PADI2: variants seen among roughly 807,000 people sequenced by gnomAD.
The protein encoded by PADI2 is protein-arginine deiminase type-2.
PADI2 carries 70 observed loss-of-function variants against 81.1 expected under a neutral mutation model. That is an observed-to-expected ratio of 0.86 (90% CI 0.71 to 1.05). The LOEUF (loss-of-function observed/expected upper bound fraction) is 1.05, where lower values mean the gene tolerates loss of function less well. Ranked by LOEUF, PADI2 falls within the 50% of genes least tolerant of loss-of-function variation. The pLI, the probability that PADI2 is intolerant of heterozygous loss-of-function variation, is 0.00. For missense variants in PADI2, 853 were observed against 889.9 expected, an observed-to-expected ratio of 0.96 and a Z score of 0.53; for synonymous variants, 338 against 358.0, an observed-to-expected ratio of 0.94 and a Z score of 0.63.
rs1274978981 is a variant in PADI2, at chr1:17,101,124, C to T, written c.349+1863G>A. On this transcript the variant is annotated intron_variant, in intron 3 of 15. Coordinates refer to ENST00000375486, the MANE Select transcript of PADI2 (RefSeq NM_007365.3). The stretch of plus-strand genomic sequence containing the variant: ...TAAATAAATAATTATTAACAGACCT[C>T]GGAAGGATGAACTTGGTCACTTGTC... Among the ~76,000 whole-genome samples the T allele has an allele frequency of 9.2e-5, 14 of 152,162 alleles. No individual in the cohort carries two copies. The East Asian group carries it at 2.5e-3, about 27-fold the overall frequency.
chr1:17,095,767 C>T lies in PADI2; in HGVS notation c.411+142G>A. 7 of 614,068 alleles carry T rather than the reference C, an allele frequency of 1.1e-5. No individual in the cohort carries two copies. In the South Asian group the frequency reaches 1.6e-4, roughly 14 times the overall value. 38.0% of individuals were successfully genotyped at this position (614,068 alleles called of 1,614,324 possible). ...GATGCCTGAGCTCCTCTGTGGGTTC[C>T]ATCATTGGTATGCTGTGTGTCTGGG... On this transcript the variant is annotated intron_variant, in intron 4 of 15. Coordinates refer to ENST00000375486, the MANE Select transcript of PADI2 (RefSeq NM_007365.3).
chr1:17,088,150 G>A (rs147852476), intron 6 of PADI2, among the ~76,000 whole-genome samples: 1 of 152,326 alleles, frequency 6.6e-6, no homozygotes, highest in Non-Finnish European at 1.5e-5. Flanking sequence ...GAGGGCAGAA[G>A]AGGCACGGTG....
intron 3 of PADI2, among the ~76,000 whole-genome samples, chr1:17,101,565 C>T (rs1412957138): frequency 1.3e-5 from 2 of 152,156 alleles, no homozygotes; most frequent in Admixed American, 6.5e-5. Context: ...GGTTCCCTAC[C>T]CCAGGGCTGG....
Position 17,107,949 on chromosome 1 carries a change from C to CTTT in PADI2, c.93-2891_93-2889dup, listed in dbSNP as rs565293543. Among the ~76,000 whole-genome samples, 204 of 140,164 alleles carry CTTT rather than the reference C, an allele frequency of 1.5e-3. 1 individual carries two copies. The Middle Eastern group carries it at 0.039, about 27-fold the overall frequency. 92.0% of individuals were successfully genotyped at this position (140,164 alleles called of 152,430 possible). The stretch of plus-strand genomic sequence containing the variant: ...TGCTGTCCCCTCTCCGCATCCATCA[C>CTTT]TTTTTTTTTTTTTTTTTGAGGAGGA... On this transcript the variant is annotated intron_variant, in intron 1 of 15. Transcript: ENST00000375486.
intron 1 of PADI2, among the ~76,000 whole-genome samples, chr1:17,117,745 C>G (rs1335868697): frequency 1.3e-5 from 2 of 152,240 alleles, no homozygotes; most frequent in Non-Finnish European, 2.9e-5. Context: ...CGGCACCAAC[C>G]ATGCCCCAGC....
At chr1:17,071,026 G>A (rs2092615) in intron 14 of PADI2, among the ~76,000 whole-genome samples, 147,987 of 152,272 alleles carry the variant, frequency 0.97, 71,925 homozygotes, top group East Asian at 1. Context: ...CTGGTCTCAA[G>A]CCCCTGGCCT....
intron 3 of PADI2, 47 bp from the exon 4 acceptor site, chr1:17,096,017 CAGGG>C: frequency 6.7e-7 from 1 of 1,495,764 alleles, no homozygotes; most frequent in Non-Finnish European, 9.2e-7. Context: ...CCAGGCAGGG[CAGGG>C]CAGGGGCAAG....
intron 1 of PADI2, among the ~76,000 whole-genome samples, chr1:17,110,515 A>G (rs1931541001): frequency 6.6e-6 from 1 of 152,208 alleles, no homozygotes; most frequent in Admixed American, 6.5e-5. Flanking sequence ...AAATCAGGTC[A>G]TGGGCTTTCT....
At chr1:17,106,518 T>C (rs544873114) in intron 1 of PADI2, among the ~76,000 whole-genome samples, 2 of 151,596 alleles carry the variant, frequency 1.3e-5, no homozygotes, top group South Asian at 2.1e-4. Flanking sequence ...TCTCAGCTCA[T>C]TGCAACCTCT....
intron 1 of PADI2, among the ~76,000 whole-genome samples, chr1:17,111,975 G>A (rs1931593878): frequency 1.3e-5 from 2 of 152,124 alleles, no homozygotes; most frequent in Non-Finnish European, 2.9e-5. Flanking sequence ...ATGGTGAGGA[G>A]CTGGCCTTCC....
intron 2 of PADI2, among the ~76,000 whole-genome samples, chr1:17,104,048 C>G (rs891359955): frequency 6.6e-6 from 1 of 150,964 alleles, no homozygotes; most frequent in Non-Finnish European, 1.5e-5. Context: ...TTTGGGAGGC[C>G]AAGGTGGGCG....
intron 3 of PADI2, among the ~76,000 whole-genome samples, chr1:17,102,755 G>GGGT (rs1035499575): frequency 6.6e-6 from 1 of 151,346 alleles, no homozygotes; most frequent in Non-Finnish European, 1.5e-5. Context: ...GACACTTGGG[G>GGGT]GGGGGTTGCT....
chr1:17,111,874 C>A (rs975080148), intron 1 of PADI2, among the ~76,000 whole-genome samples: 1 of 152,062 alleles, frequency 6.6e-6, no homozygotes, highest in Admixed American at 6.6e-5. Context: ...GGGGGTTAGT[C>A]CTGCATGTTC....
intron 1 of PADI2, among the ~76,000 whole-genome samples, chr1:17,117,579 C>G (rs2100234899): frequency 6.6e-6 from 1 of 152,208 alleles, no homozygotes; most frequent in African/African-American, 2.4e-5. Flanking sequence ...ACTGCTGCCC[C>G]CTGCTAGAGG....
At chr1:17,082,899 C>A in intron 9 of PADI2, 1 of 401,690 alleles carries the variant, frequency 2.5e-6, no homozygotes, top group Non-Finnish European at 4.5e-6. Flanking sequence ...GAGACAGGGT[C>A]TCACTCTGTT....
intron 1 of PADI2, among the ~76,000 whole-genome samples, chr1:17,107,090 A>G (rs1182461113): frequency 6.6e-6 from 1 of 152,168 alleles, no homozygotes; most frequent in Non-Finnish European, 1.5e-5. Context: ...GGCTTTGCTA[A>G]ATCCAGCCAC....
chr1:17,102,559 G>A lies in PADI2; in HGVS notation c.349+428C>T, dbSNP rs569703260. On this transcript the variant is annotated intron_variant, in intron 3 of 15. Coordinates refer to ENST00000375486, the MANE Select transcript of PADI2 (RefSeq NM_007365.3). Reference sequence around the variant, plus strand: ...CTGGAGGCTGCATCTCTGCACCCTCGGGGCTGAATCTGGGGAGAACCAGGG... The same window carrying A: ...CTGGAGGCTGCATCTCTGCACCCTCAGGGCTGAATCTGGGGAGAACCAGGG... Among the ~76,000 whole-genome samples the A allele has an allele frequency of 4.6e-5, 7 of 152,288 alleles. No homozygotes were observed. The South Asian group carries it at 6.2e-4, about 14-fold the overall frequency.
intron 2 of PADI2, among the ~76,000 whole-genome samples, chr1:17,103,988 A>G (rs1468270752): frequency 1.3e-5 from 2 of 151,188 alleles, no homozygotes; most frequent in South Asian, 4.2e-4. Flanking sequence ...TGTCTCTTAA[A>G]AACAAACAAA....
At chr1:17,095,213 C>T (rs747715141) in intron 4 of PADI2, among the ~76,000 whole-genome samples, 3 of 152,218 alleles carry the variant, frequency 2.0e-5, no homozygotes, top group Middle Eastern at 6.8e-3. Flanking sequence ...CTGATGGAGC[C>T]TAAAAACTAG....
Sources: gnomAD v4.1 joint callset for allele counts (sites outside exome capture counted in the v4.1 genomes callset) on GRCh38, gnomAD v4.1.1 for gene constraint, MANE v1.5 for transcripts, NCBI Gene and HGNC (gene_info 2026-07-23, HGNC 2026-07-21) for gene names.